Variants in CRTAP observed in about 807,000 individuals in gnomAD.
The protein encoded by CRTAP is cartilage associated protein.
In CRTAP, 33 loss-of-function variants were observed where a neutral mutation model predicts 42.7. The observed-to-expected ratio is 0.77, with a 90% CI of 0.59 to 1.03. The LOEUF is 1.03. CRTAP is among the 50% of genes least tolerant of loss of function. CRTAP has a pLI of 0.00. For missense variants in CRTAP, 613 were observed against 533.9 expected (o/e 1.15, Z -1.46); for synonymous variants, 243 against 217.7 (o/e 1.12, Z -1.02).
intron 3 of CRTAP, among the ~76,000 whole-genome samples, chr3:33,128,095 T>G (rs1275103639): frequency 6.6e-6 from 1 of 152,202 alleles, no homozygotes; most frequent in Non-Finnish European, 1.5e-5. Flanking sequence ...ATGTTGCACA[T>G]GCATTATTAC....
chr3:33,127,300 T>C (rs1196051795), intron 3 of CRTAP, among the ~76,000 whole-genome samples: 2 of 152,156 alleles, frequency 1.3e-5, no homozygotes, highest in South Asian at 2.1e-4. Flanking sequence ...ATTTCAAACT[T>C]GTAGAGAAGT....
In CRTAP at chr3:33,146,026, C is replaced by T. The variant is rs1451608026; in HGVS notation, c.*3578C>T. The T allele has an allele frequency of 6.6e-6, 1 of 150,862 alleles. No individual in the cohort carries two copies. The highest frequency in any genetic ancestry group is 1.5e-5 in the Non-Finnish European group (1 of 67,824). The allele number at this position is 150,862 out of a possible 1,614,324, so 9.3% of individuals were successfully genotyped here. A position where few individuals can be genotyped will look rare whatever the true frequency, so the allele number is the denominator to read the frequency against. Reference sequence around the variant, plus strand: ...ATTTCTATTTCAAAGGAAACCAAACCTTAAAAAAAAAAAACAAAAACTGGG... The same window carrying T: ...ATTTCTATTTCAAAGGAAACCAAACTTTAAAAAAAAAAAACAAAAACTGGG... On this transcript the variant is annotated 3_prime_UTR_variant, in exon 7 of 7. Coordinates refer to ENST00000320954, the MANE Select transcript of CRTAP (RefSeq NM_006371.5).
rs546277419 is a variant in CRTAP at position 33,123,055 on chromosome 3, C to G, written c.622-1353C>G. The stretch of plus-strand genomic sequence containing the variant: ...CTTGGCTTACTGCAACCTCCACCTC[C>G]TGGGTTCAAATGATTCTCCTGCCTC... On this transcript the variant is annotated intron_variant, in intron 2 of 6. Coordinates refer to ENST00000320954, the MANE Select transcript of CRTAP (RefSeq NM_006371.5). 1.6e-4 allele frequency among the ~76,000 whole-genome samples: 25 copies of G among 152,300 alleles called. No homozygotes were observed. The South Asian group carries it at 4.6e-3, about 28-fold the overall frequency.
chr3:33,136,722 T>G (rs2030428012), intron 6 of CRTAP, among the ~76,000 whole-genome samples: 1 of 152,118 alleles, frequency 6.6e-6, no homozygotes, highest in African/African-American at 2.4e-5. Context: ...CATGCCACAC[T>G]CTTTTAAACA....
Position 33,120,358 on chromosome 3 carries a change from C to T in CRTAP, c.486C>T (p.Pro162=). The stretch of plus-strand genomic sequence containing the variant: ...TGTCCTTTTAGGCAAATAATCTCCC[C>T]AAAGCCATCGCCGCTGCTCACACCT... The part of the protein sequence containing the change: ...QFAYFKANNL[P]KAIAAAHTFL... Residue 162 remains proline, a synonymous_variant, in exon 2 of 7, where the codon CCC becomes CCT. Transcript: ENST00000320954. 1 of 1,614,104 alleles carries T rather than the reference C, an allele frequency of 6.2e-7. No individual in the cohort carries two copies. Among genetic ancestry groups the T allele is most frequent in the Non-Finnish European group, 8.5e-7 (1 of 1,179,962 alleles).
rs1288328661 is a variant in CRTAP, at chr3:33,114,399, CTCT to C, written c.325_327del (p.Phe109del). The C allele has an allele frequency of 1.3e-6, 2 of 1,538,118 alleles. No individual in the cohort carries two copies. Reference sequence around the variant, plus strand: ...CCTCGCCAGCTATCCCGAGCTGCGCCTCTTCGGGGGCCTGCTGCGCCGCGCGCA... The same window carrying C: ...CCTCGCCAGCTATCCCGAGCTGCGCCTCGGGGGCCTGCTGCGCCGCGCGCA... On this transcript the variant is annotated inframe_deletion, in exon 1 of 7. Transcript: ENST00000320954.
chr3:33,124,434 A>C lies in CRTAP; in HGVS notation c.648A>C (p.Ala216=). 2 of 1,614,242 alleles carry C rather than the reference A, an allele frequency of 1.2e-6. No individual in the cohort carries two copies. The highest frequency in any genetic ancestry group is 1.7e-6 in the Non-Finnish European group (2 of 1,180,036). ...YESLFIRAVR[A]YNGENWRTSI... ...GCCTGTTCATCCGAGCAGTGCGGGCATACAACGGTGAGAACTGGAGAACAT... is the reference window on the plus strand; with the variant it reads ...GCCTGTTCATCCGAGCAGTGCGGGCCTACAACGGTGAGAACTGGAGAACAT... Residue 216 remains alanine, a synonymous_variant, in exon 3 of 7, where the codon GCA becomes GCC. Transcript: ENST00000320954.
intron 3 of CRTAP, among the ~76,000 whole-genome samples, chr3:33,125,388 C>G (rs917008860): frequency 6.6e-6 from 1 of 151,192 alleles, no homozygotes; most frequent in Non-Finnish European, 1.5e-5. Flanking sequence ...CCTTAGAAAT[C>G]CTGCAGTAGA....
At chr3:33,138,031 C>G (rs1164246768) in intron 6 of CRTAP, among the ~76,000 whole-genome samples, 1 of 152,128 alleles carries the variant, frequency 6.6e-6, no homozygotes, top group African/African-American at 2.4e-5. Context: ...TTTCCAGACT[C>G]TCAGTCTATA....
chr3:33,145,480 C>G lies in CRTAP; in HGVS notation c.*3032C>G, dbSNP rs2030696837. ...TGCCGGGTTCTCCTTTCTTTCCTCA[C>G]CCCAACCTTTACTCCACCAGAGAAA... On this transcript the variant is annotated 3_prime_UTR_variant, in exon 7 of 7. Coordinates refer to ENST00000320954, the MANE Select transcript of CRTAP (RefSeq NM_006371.5). This position sits in a 1 kb window ranked among gnomAD's most constrained non-coding sequence, Gnocchi z 4.3. The G allele has an allele frequency of 6.6e-6, 1 of 152,272 alleles. No homozygotes were observed. 9.4% of individuals were successfully genotyped at this position (152,272 alleles called of 1,614,324 possible).
At chr3:33,124,050 C>T (rs1190750969) in intron 2 of CRTAP, among the ~76,000 whole-genome samples, 1 of 152,156 alleles carries the variant, frequency 6.6e-6, no homozygotes, top group East Asian at 1.9e-4. Context: ...AGAATATTTT[C>T]ATCACCCCTG....
chr3:33,143,295 C>T lies in CRTAP; in HGVS notation c.*847C>T, dbSNP rs1187632763. On this transcript the variant is annotated 3_prime_UTR_variant, in exon 7 of 7. Transcript: ENST00000320954. Reference sequence around the variant, plus strand: ...TCACAATGGTCTTCACTTGGTCTGACTTGTACCAATTCTAGCACCCACTGA... The same window carrying T: ...TCACAATGGTCTTCACTTGGTCTGATTTGTACCAATTCTAGCACCCACTGA... 3 of 152,232 alleles carry T rather than the reference C, an allele frequency of 2.0e-5. No homozygotes were observed. Among genetic ancestry groups the T allele is most frequent in the Admixed American group, 2.0e-4 (3 of 15,290 alleles). 9.4% of individuals were successfully genotyped at this position (152,232 alleles called of 1,614,324 possible).
intron 3 of CRTAP, among the ~76,000 whole-genome samples, chr3:33,125,327 T>C (rs997047245): frequency 2.0e-5 from 3 of 152,162 alleles, no homozygotes; most frequent in Non-Finnish European, 4.4e-5. Flanking sequence ...GGCTGAGCAC[T>C]GACTGCATCT....
At chr3:33,120,026 G>C (rs1701398311) in intron 1 of CRTAP, among the ~76,000 whole-genome samples, 1 of 152,174 alleles carries the variant, frequency 6.6e-6, no homozygotes, top group African/African-American at 2.4e-5. Flanking sequence ...GGCTCCTCAT[G>C]GGTGAACCTC....
At chr3:33,115,337 A>G (rs912000116) in intron 1 of CRTAP, 3 of 152,168 alleles carry the variant, frequency 2.0e-5, no homozygotes, top group Non-Finnish European at 2.9e-5. Flanking sequence ...GAACTCGTGC[A>G]CCGTGAGTCA....
Position 33,143,356 on chromosome 3 carries a change from T to C in CRTAP, c.*908T>C, listed in dbSNP as rs1051343535. On this transcript the variant is annotated 3_prime_UTR_variant, in exon 7 of 7. Transcript: ENST00000320954. ...GAGTAGAGAGTGTAGAGTGCAGAAA[T>C]GTGGCTTTTGCCCCACTTTGCATCT... 1 of 152,256 alleles carries C rather than the reference T, an allele frequency of 6.6e-6. No homozygotes were observed. The highest frequency in any genetic ancestry group is 2.4e-5 in the African/African-American group (1 of 41,472). The allele number at this position is 152,256 out of a possible 1,614,324, so 9.4% of individuals were successfully genotyped here.
intron 1 of CRTAP, 98 bp downstream of exon 1, chr3:33,114,646 C>T (rs1701323535): frequency 8.6e-7 from 1 of 1,157,070 alleles, no homozygotes; most frequent in Non-Finnish European, 1.2e-6. Context: ...GTTGCCCCTC[C>T]AGTTCTAGAC....
chr3:33,126,308 C>T (rs1377938378), intron 3 of CRTAP, among the ~76,000 whole-genome samples: 6 of 152,184 alleles, frequency 3.9e-5, no homozygotes, highest in Non-Finnish European at 8.8e-5. Flanking sequence ...TTTTATGGCT[C>T]GTTTAATCCA....
chr3:33,120,132 G>A (rs1444047941), intron 1 of CRTAP, among the ~76,000 whole-genome samples: 1 of 152,182 alleles, frequency 6.6e-6, no homozygotes, highest in African/African-American at 2.4e-5. Flanking sequence ...GGGAAAGGCA[G>A]ACCGAGGCCA....
Sources: allele counts gnomAD v4.1 joint callset (sites outside exome capture counted in the v4.1 genomes callset), GRCh38; gene constraint gnomAD v4.1.1; non-coding constraint Gnocchi (gnomAD v3.1); transcripts MANE v1.5; gene names NCBI Gene and HGNC (gene_info 2026-07-23, HGNC 2026-07-21).